The following GPC6 variants were observed in gnomAD, a reference collection of about 807,000 sequenced individuals.
GPC6 encodes glypican-6.
A neutral mutation model predicts 55.2 loss-of-function variants in GPC6; 14 were observed. That is an observed-to-expected ratio of 0.25 (90% CI 0.17 to 0.40). The LOEUF is 0.40. GPC6 is among the 10% of genes least tolerant of loss of function. GPC6 has a pLI of 1.00. For missense variants in GPC6, 641 were observed against 708.5 expected, an observed-to-expected ratio of 0.90 and a Z score of 1.08; for synonymous variants, 278 against 259.6, an observed-to-expected ratio of 1.07 and a Z score of -0.68.
intron 4 of GPC6, among the ~76,000 whole-genome samples, chr13:94,155,233 C>CG (rs999595741): frequency 3.2e-3 from 10 of 3,168 alleles, no homozygotes; most frequent in Non-Finnish European, 4.5e-3. Flanking sequence ...CATCCCACAA[C>CG]CTGCTCCTCC....
chr13:93,252,965 A>C lies in GPC6; in HGVS notation c.160+25349A>C, dbSNP rs530470267. On this transcript the variant is annotated intron_variant, in intron 1 of 8. Transcript: ENST00000377047. ...CTTAAGCCAATGGAAATCAGTTTGC[A>C]AAAGTATAGACCACCAGAGTTTATT... 3.3e-5 allele frequency among the ~76,000 whole-genome samples: 5 copies of C among 152,376 alleles called. No homozygotes were observed. The South Asian group carries it at 1.0e-3, about 32-fold the overall frequency.
intron 4 of GPC6, among the ~76,000 whole-genome samples, chr13:94,097,628 G>T (rs1415080266): frequency 6.6e-6 from 1 of 151,822 alleles, no homozygotes; most frequent in African/African-American, 2.4e-5. Flanking sequence ...TAACACTACT[G>T]AACTGTTCAC....
intron 6 of GPC6, among the ~76,000 whole-genome samples, chr13:94,307,548 AGC>A (rs1876014180): frequency 1.3e-5 from 2 of 152,160 alleles, no homozygotes; most frequent in South Asian, 4.1e-4. Context: ...CTTGAGCTCA[AGC>A]AATCCACCTG....
intron 1 of GPC6, among the ~76,000 whole-genome samples, chr13:93,377,697 C>T (rs957253561): frequency 1.3e-5 from 2 of 152,148 alleles, no homozygotes; most frequent in Admixed American, 6.5e-5. Flanking sequence ...TGTGTATCTC[C>T]TGATGAACAC....
chr13:94,002,858 T>G (rs926262006), intron 3 of GPC6, among the ~76,000 whole-genome samples: 9 of 152,248 alleles, frequency 5.9e-5, no homozygotes, highest in African/African-American at 2.2e-4. Flanking sequence ...TACTGAAGCC[T>G]GAAAAAGGGA....
intron 3 of GPC6, among the ~76,000 whole-genome samples, chr13:93,973,853 G>T (rs775993042): frequency 6.6e-6 from 1 of 152,146 alleles, no homozygotes; most frequent in Admixed American, 6.6e-5. Context: ...AGGGGTACAT[G>T]ATCTAAAAAA....
intron 1 of GPC6, among the ~76,000 whole-genome samples, chr13:93,229,901 T>A: frequency 6.6e-6 from 1 of 152,298 alleles, no homozygotes; most frequent in East Asian, 1.9e-4. Context: ...TACTTGTTTT[T>A]TCAAAATCAA....
chr13:93,516,425 G>C (rs963593025), intron 1 of GPC6, among the ~76,000 whole-genome samples: 10 of 152,078 alleles, frequency 6.6e-5, no homozygotes, highest in Admixed American at 2.0e-4. Context: ...CAGAATTGTG[G>C]ACCTCCCATA....
chr13:94,294,861 T>G (rs1302519090), intron 5 of GPC6, among the ~76,000 whole-genome samples: 2 of 152,190 alleles, frequency 1.3e-5, no homozygotes, highest in African/African-American at 4.8e-5. Context: ...TTTACGGTTA[T>G]TTTTGTGCTT....
intron 2 of GPC6, among the ~76,000 whole-genome samples, chr13:93,676,510 G>A (rs1397137312): frequency 6.6e-6 from 1 of 151,976 alleles, no homozygotes; most frequent in African/African-American, 2.4e-5. Flanking sequence ...GAGAGCTTGT[G>A]GGCAACTGAG....
intron 1 of GPC6, among the ~76,000 whole-genome samples, chr13:93,331,157 T>C (rs1879830815): frequency 6.6e-6 from 1 of 152,156 alleles, no homozygotes; most frequent in African/African-American, 2.4e-5. Context: ...TGATAAGAGG[T>C]GTACTTTGAA....
intron 7 of GPC6, among the ~76,000 whole-genome samples, chr13:94,387,146 T>C (rs1880445553): frequency 1.3e-5 from 2 of 152,106 alleles, no homozygotes; most frequent in Admixed American, 1.3e-4. Context: ...GTTGAGACTG[T>C]GGTTAAGGGT....
intron 2 of GPC6, among the ~76,000 whole-genome samples, chr13:93,693,166 T>A (rs1044817272): frequency 6.6e-6 from 1 of 152,152 alleles, no homozygotes; most frequent in African/African-American, 2.4e-5. Context: ...ACTAGGGTGA[T>A]ACACTAGTCA....
intron 2 of GPC6, among the ~76,000 whole-genome samples, chr13:93,711,261 G>A (rs550993296): frequency 5.9e-5 from 9 of 151,854 alleles, no homozygotes; most frequent in Admixed American, 5.9e-4. Context: ...CATGGCTGAG[G>A]AGACCTCACA....
chr13:93,512,578 G>C (rs1460686540), intron 1 of GPC6, among the ~76,000 whole-genome samples: 1 of 151,934 alleles, frequency 6.6e-6, no homozygotes, highest in African/African-American at 2.4e-5. Context: ...TTTTATGGAG[G>C]ATTTTTACAT....
intron 4 of GPC6, among the ~76,000 whole-genome samples, chr13:94,064,267 T>A (rs1022238445): frequency 1.3e-5 from 2 of 152,214 alleles, no homozygotes; most frequent in African/African-American, 2.4e-5. Context: ...ATACTTACCT[T>A]GATTAATTAG....
At chr13:93,927,049 C>G (rs577183936) in intron 3 of GPC6, among the ~76,000 whole-genome samples, 7 of 152,236 alleles carry the variant, frequency 4.6e-5, no homozygotes, top group Non-Finnish European at 8.8e-5. Flanking sequence ...TCACCTGGAG[C>G]AAAATATTCT....
chr13:93,495,209 G>T lies in GPC6; in HGVS notation c.161-50054G>T, dbSNP rs1001514972. ...TTCACATAGTCGCATATTTCTTGGA[G>T]GCTTTGCTCATTTCTTTTTATTCTT... On this transcript the variant is annotated intron_variant, in intron 1 of 8. Transcript: ENST00000377047. Among the ~76,000 whole-genome samples, 597 of 130,650 alleles carry T rather than the reference G, an allele frequency of 4.6e-3. 44 individuals carry two copies. Among genetic ancestry groups the T allele is most frequent in the African/African-American group, 0.016 (569 of 35,086 alleles). The allele number at this position is 130,650 out of a possible 152,430, so 85.7% of individuals were successfully genotyped here.
chr13:93,588,947 G>A (rs938132374), intron 2 of GPC6, among the ~76,000 whole-genome samples: 12 of 152,152 alleles, frequency 7.9e-5, no homozygotes, highest in Admixed American at 1.3e-4. Flanking sequence ...TACCTGTTTC[G>A]GGGGAAGAGT....
Sources: allele counts gnomAD v4.1 joint callset (sites outside exome capture counted in the v4.1 genomes callset), GRCh38; gene constraint gnomAD v4.1.1; transcripts MANE v1.5; gene names NCBI Gene and HGNC (gene_info 2026-07-23, HGNC 2026-07-21).